Variants in ACTN4 observed in about 807,000 individuals in gnomAD.
ACTN4 encodes alpha-actinin-4.
Under a neutral mutation model 114.2 loss-of-function variants are expected in ACTN4, and 18 were observed. The observed-to-expected ratio is 0.16, with a 90% CI of 0.11 to 0.23. The LOEUF (loss-of-function observed/expected upper bound fraction) is 0.23. Ranked by LOEUF, ACTN4 falls within the 10% of genes least tolerant of loss-of-function variation. The pLI is 1.00. For synonymous variants in ACTN4, 515 were observed against 506.3 expected (o/e 1.02, Z -0.23); for missense variants, 722 against 1,262.9 (o/e 0.57, Z 6.49).
intron 1 of ACTN4, among the ~76,000 whole-genome samples, chr19:38,689,268 C>G (rs925319615): frequency 6.6e-6 from 1 of 152,188 alleles, no homozygotes; most frequent in African/African-American, 2.4e-5. Context: ...CTGGTACATG[C>G]TACAACATGG....
At chr19:38,675,416 G>T (rs948190645) in intron 1 of ACTN4, among the ~76,000 whole-genome samples, 4 of 151,922 alleles carry the variant, frequency 2.6e-5, no homozygotes, top group Admixed American at 1.3e-4. Context: ...GATTTTTTTT[G>T]TAGAGGTGAG....
intron 1 of ACTN4, among the ~76,000 whole-genome samples, chr19:38,690,793 C>T (rs1021492710): frequency 6.6e-6 from 1 of 152,104 alleles, no homozygotes; most frequent in African/African-American, 2.4e-5. Flanking sequence ...ACTAAAACTC[C>T]CTGAATTTTA....
chr19:38,648,283 C>T, intron 1 of ACTN4: 1 of 180,060 alleles, frequency 5.6e-6, no homozygotes, highest in East Asian at 1.4e-4. Context: ...GTTGGGGGTG[C>T]TGGGAGGAGA....
rs1014635236 is a variant in ACTN4, at chr19:38,717,864, A to C, written c.1144-63A>C. On this transcript the variant is annotated intron_variant, in intron 10 of 20. Transcript: ENST00000252699. This position sits in a 1 kb window ranked among gnomAD's most constrained non-coding sequence, Gnocchi z 4.0. Reference sequence around the variant, plus strand: ...CCACCTTCCCATCAGCATCCCTTGGAGACATCCCCCTGGGTGCCTCCACTT... The same window carrying C: ...CCACCTTCCCATCAGCATCCCTTGGCGACATCCCCCTGGGTGCCTCCACTT... 6.5e-7 allele frequency: 1 copy of C among 1,550,318 alleles called. No individual in the cohort carries two copies. Among genetic ancestry groups the C allele is most frequent in the Non-Finnish European group, 8.7e-7 (1 of 1,146,938 alleles).
chr19:38,675,566 C>A (rs888953809), intron 1 of ACTN4, among the ~76,000 whole-genome samples: 1 of 152,300 alleles, frequency 6.6e-6, no homozygotes, highest in Admixed American at 6.5e-5. Context: ...CCAGAAATTT[C>A]TTTCAAGAGG....
chr19:38,692,579 C>T (rs1203724275), intron 1 of ACTN4, among the ~76,000 whole-genome samples: 3 of 152,110 alleles, frequency 2.0e-5, no homozygotes, highest in African/African-American at 4.8e-5. Flanking sequence ...GCTTAGCCGT[C>T]TGGCCCTGAA....
At chr19:38,712,144 C>T (rs1166307536) in intron 8 of ACTN4, among the ~76,000 whole-genome samples, 2 of 152,232 alleles carry the variant, frequency 1.3e-5, no homozygotes, top group Non-Finnish European at 2.9e-5. Context: ...CACAGGCTTC[C>T]AGAGGGTCCC....
rs187104534 is a variant in ACTN4, at chr19:38,699,124, C to T, written c.163-1476C>T. ...TCCCAGGTCCTGTTGCAGGAGGGTG[C>T]GTGGGCTGGTTTCCCTGAAGGCGCC... On this transcript the variant is annotated intron_variant, in intron 1 of 20. Transcript: ENST00000252699. Among the ~76,000 whole-genome samples, 77 of 152,272 alleles carry T rather than the reference C, an allele frequency of 5.1e-4. 1 individual carries two copies. The highest frequency in any genetic ancestry group is 1.8e-3 in the African/African-American group (75 of 41,552).
chr19:38,721,883 A>AG lies in ACTN4; in HGVS notation c.1442+197dup, dbSNP rs1322117733. On this transcript the variant is annotated intron_variant, in intron 12 of 20. Transcript: ENST00000252699. ...CTTTTGCCCATCCTGTCTCAGCCCC[A>AG]GGTGGGACACCTGAAGGATTTGGAT... The AG allele has an allele frequency of 1.0e-5, 8 of 777,646 alleles. No individual in the cohort carries two copies. The African/African-American group carries it at 1.4e-4, about 13-fold the overall frequency. 48.2% of individuals were successfully genotyped at this position (777,646 alleles called of 1,614,324 possible). A position where few individuals can be genotyped will look rare whatever the true frequency, so the allele number is the denominator to read the frequency against.
intron 5 of ACTN4, 122 bp downstream of exon 5, chr19:38,706,253 C>A: frequency 9.6e-7 from 1 of 1,042,424 alleles, no homozygotes; most frequent in Non-Finnish European, 1.5e-6. Context: ...GTCAGCCCCT[C>A]CCTGGCCACG....
intron 1 of ACTN4, among the ~76,000 whole-genome samples, chr19:38,655,562 C>A (rs1490124701): frequency 6.6e-6 from 1 of 152,146 alleles, no homozygotes; most frequent in Non-Finnish European, 1.5e-5. Context: ...AGCACCTTGT[C>A]CAGGAGCACA....
chr19:38,712,256 C>T (rs1968681872), intron 8 of ACTN4, among the ~76,000 whole-genome samples: 1 of 152,066 alleles, frequency 6.6e-6, no homozygotes, highest in Non-Finnish European at 1.5e-5. Context: ...AGGGGGGGGC[C>T]GTACCTTCTG....
intron 1 of ACTN4, among the ~76,000 whole-genome samples, chr19:38,696,627 G>A (rs1425121538): frequency 6.6e-6 from 1 of 152,218 alleles, no homozygotes; most frequent in East Asian, 1.9e-4. Context: ...TCCCAAGGGT[G>A]GCCTTGTGAG....
chr19:38,706,796 G>T (rs1968473848), intron 5 of ACTN4, among the ~76,000 whole-genome samples: 2 of 152,246 alleles, frequency 1.3e-5, no homozygotes, highest in African/African-American at 4.8e-5. Flanking sequence ...GGGGAAAAAT[G>T]TACTCTGTGG....
chr19:38,712,624 A>G (rs1437265983), intron 8 of ACTN4, among the ~76,000 whole-genome samples: 2 of 151,864 alleles, frequency 1.3e-5, no homozygotes, highest in Non-Finnish European at 2.9e-5. Flanking sequence ...GCTAGAGGGC[A>G]CGGGCCAGGA....
intron 1 of ACTN4, among the ~76,000 whole-genome samples, chr19:38,664,139 C>G (rs962566934): frequency 6.6e-6 from 1 of 152,222 alleles, no homozygotes; most frequent in South Asian, 2.1e-4. Flanking sequence ...TGCCCTGCAA[C>G]GCGGGTGGCC....
chr19:38,694,956 C>T (rs1471236037), intron 1 of ACTN4, among the ~76,000 whole-genome samples: 1 of 152,190 alleles, frequency 6.6e-6, no homozygotes, highest in Admixed American at 6.5e-5. Context: ...CTTACTGCAA[C>T]CTCTGCCTCT....
intron 1 of ACTN4, among the ~76,000 whole-genome samples, chr19:38,687,639 C>T (rs545211943): frequency 3.2e-4 from 48 of 152,250 alleles, no homozygotes; most frequent in Non-Finnish European, 5.7e-4. Flanking sequence ...TAACTCCAAA[C>T]GGATCAGATA....
Position 38,727,183 on chromosome 19 carries a change from C to A in ACTN4, c.2337+80C>A. ...CCACACCTTCGTCTCTGCATCTGTT[C>A]GTCCATTCCCATCACAGTTGCTGAG... On this transcript the variant is annotated intron_variant, in intron 18 of 20. Transcript: ENST00000252699. The surrounding 1 kb of genome is among the most constrained non-coding windows in gnomAD (Gnocchi z 5.4). 1 of 1,600,844 alleles carries A rather than the reference C, an allele frequency of 6.2e-7. No homozygotes were observed. Among genetic ancestry groups the A allele is most frequent in the South Asian group, 1.1e-5 (1 of 90,002 alleles).
Sources: allele counts gnomAD v4.1 joint callset (sites outside exome capture counted in the v4.1 genomes callset), GRCh38; gene constraint gnomAD v4.1.1; non-coding constraint Gnocchi (gnomAD v3.1); transcripts MANE v1.5; gene names NCBI Gene and HGNC (gene_info 2026-07-23, HGNC 2026-07-21).